Variants in CHST11 observed in about 807,000 individuals in gnomAD.
CHST11 encodes carbohydrate sulfotransferase 11.
In CHST11, 9 loss-of-function variants were observed where a neutral mutation model predicts 30.4. That is an observed-to-expected ratio of 0.30 (90% CI 0.18 to 0.52). CHST11 has a LOEUF of 0.52. CHST11 is among the 20% of genes least tolerant of loss of function. CHST11 has a pLI of 0.97. For missense variants in CHST11, 348 were observed against 460.6 expected (o/e 0.76, Z 2.24); for synonymous variants, 152 against 187.8 (o/e 0.81, Z 1.56).
chr12:104,489,248 GC>G lies in CHST11; in HGVS notation c.118+31720del, dbSNP rs111819635. 7.8e-3 allele frequency among the ~76,000 whole-genome samples: 1,182 copies of G among 152,092 alleles called. 13 individuals carry two copies. The highest frequency in any genetic ancestry group is 0.026 in the African/African-American group (1,092 of 41,492). On this transcript the variant is annotated intron_variant, in intron 1 of 2. Transcript: ENST00000303694. Reference sequence around the variant, plus strand: ...GATGGGGTTTCACCATGTTGGCCATGCTGGTCTCGGACTCCTGACCTCAGGT... The same window carrying G: ...GATGGGGTTTCACCATGTTGGCCATGTGGTCTCGGACTCCTGACCTCAGGT...
chr12:104,573,630 A>G (rs1237878667), intron 1 of CHST11, among the ~76,000 whole-genome samples: 1 of 152,246 alleles, frequency 6.6e-6, no homozygotes, highest in Non-Finnish European at 1.5e-5. Flanking sequence ...TATTTAATAA[A>G]TGGTGCTGGG....
At chr12:104,663,985 G>A (rs1456748988) in intron 2 of CHST11, among the ~76,000 whole-genome samples, 5 of 152,164 alleles carry the variant, frequency 3.3e-5, no homozygotes, top group Non-Finnish European at 7.3e-5. Context: ...TAGGGTACCA[G>A]TCTCCATCCA....
rs1023897874 is a variant in CHST11 at position 104,475,798 on chromosome 12, T to C, written c.118+18269T>C. On this transcript the variant is annotated intron_variant, in intron 1 of 2. Transcript: ENST00000303694. ...CCTGCCATATATATGCATATATATA[T>C]GTATTTATATGTATATATCCATGGA... 7.0e-5 allele frequency among the ~76,000 whole-genome samples: 10 copies of C among 143,042 alleles called. No individual in the cohort carries two copies. The Admixed American group carries it at 7.2e-4, about 10-fold the overall frequency. 93.8% of individuals were successfully genotyped at this position (143,042 alleles called of 152,430 possible). A position where few individuals can be genotyped will look rare whatever the true frequency, so the allele number is the denominator to read the frequency against.
intron 1 of CHST11, among the ~76,000 whole-genome samples, chr12:104,513,605 GTC>G (rs1453843646): frequency 6.6e-6 from 1 of 152,148 alleles, no homozygotes; most frequent in Non-Finnish European, 1.5e-5. Flanking sequence ...GAGGATGCTG[GTC>G]TCCACCTTTT....
chr12:104,675,305 T>C (rs1317643434), intron 2 of CHST11, among the ~76,000 whole-genome samples: 1 of 152,268 alleles, frequency 6.6e-6, no homozygotes, highest in Non-Finnish European at 1.5e-5. Context: ...GCTTCTGTTA[T>C]GCTCACGTCT....
intron 2 of CHST11, among the ~76,000 whole-genome samples, chr12:104,642,032 G>T (rs1052076012): frequency 6.6e-6 from 1 of 152,138 alleles, no homozygotes; most frequent in Non-Finnish European, 1.5e-5. Flanking sequence ...GCTGCTGAAC[G>T]TCCTATGGTG....
intron 1 of CHST11, among the ~76,000 whole-genome samples, chr12:104,515,264 C>T (rs1171672068): frequency 1.3e-5 from 2 of 152,160 alleles, no homozygotes; most frequent in South Asian, 2.1e-4. Context: ...CACTTTTGTG[C>T]GATAATGGCA....
intron 2 of CHST11, among the ~76,000 whole-genome samples, chr12:104,618,125 T>C (rs2039125693): frequency 6.6e-6 from 1 of 152,010 alleles, no homozygotes. Flanking sequence ...GCCAGGCTGG[T>C]CTCGAACTCC....
At chr12:104,683,778 C>A (rs548483523) in intron 2 of CHST11, among the ~76,000 whole-genome samples, 38 of 152,278 alleles carry the variant, frequency 2.5e-4, no homozygotes, top group Non-Finnish European at 4.0e-4. Flanking sequence ...ATGCCAAGAA[C>A]ATCTACCAGG....
At chr12:104,473,936 C>T (rs2037534421) in intron 1 of CHST11, among the ~76,000 whole-genome samples, 1 of 152,100 alleles carries the variant, frequency 6.6e-6, no homozygotes. Flanking sequence ...ACCACCACCA[C>T]CACCGCGACC....
At chr12:104,582,048 T>C (rs7309946) in intron 1 of CHST11, among the ~76,000 whole-genome samples, 34,971 of 152,148 alleles carry the variant, frequency 0.23, 4,845 homozygotes, top group East Asian at 0.41. Flanking sequence ...TCTATCCTTA[T>C]TTCATCCAGT....
intron 2 of CHST11, among the ~76,000 whole-genome samples, chr12:104,745,534 G>C (rs1276225928): frequency 1.3e-5 from 2 of 151,992 alleles, no homozygotes; most frequent in Non-Finnish European, 2.9e-5. Flanking sequence ...TAGGCAGTAG[G>C]GCCATTTTAA....
chr12:104,481,928 C>T (rs896985198), intron 1 of CHST11, among the ~76,000 whole-genome samples: 4 of 151,026 alleles, frequency 2.6e-5, no homozygotes, highest in Non-Finnish European at 4.4e-5. Context: ...GCCTCCACCT[C>T]CCATGTTCAA....
At chr12:104,696,482 C>CAAAAAGAAAA (rs2039946497) in intron 2 of CHST11, among the ~76,000 whole-genome samples, 1 of 69,140 alleles carries the variant, frequency 1.4e-5, no homozygotes, top group Non-Finnish European at 2.5e-5. Context: ...GCTAAAAATA[C>CAAAAAGAAAA]AAAAAAAAAA....
chr12:104,538,023 G>T (rs1379367712), intron 1 of CHST11, among the ~76,000 whole-genome samples: 1 of 152,140 alleles, frequency 6.6e-6, no homozygotes, highest in Non-Finnish European at 1.5e-5. Context: ...TGGTACATTT[G>T]TCATGACTAA....
At chr12:104,634,188 G>C (rs1353962603) in intron 2 of CHST11, among the ~76,000 whole-genome samples, 2 of 152,148 alleles carry the variant, frequency 1.3e-5, no homozygotes, top group Non-Finnish European at 2.9e-5. Flanking sequence ...CACTAGACTG[G>C]AAGCTCCATG....
At chr12:104,740,264 T>G (rs2040336085) in intron 2 of CHST11, among the ~76,000 whole-genome samples, 1 of 152,228 alleles carries the variant, frequency 6.6e-6, no homozygotes, top group Admixed American at 6.5e-5. Context: ...AGTTTTATAA[T>G]TTCCATTGAT....
chr12:104,521,682 C>A (rs976118005), intron 1 of CHST11, among the ~76,000 whole-genome samples: 2 of 152,154 alleles, frequency 1.3e-5, no homozygotes, highest in Non-Finnish European at 2.9e-5. Flanking sequence ...AGGTGTCCTG[C>A]GTAACGGTGT....
intron 2 of CHST11, among the ~76,000 whole-genome samples, chr12:104,690,061 T>G (rs2039883196): frequency 6.6e-6 from 1 of 152,248 alleles, no homozygotes; most frequent in South Asian, 2.1e-4. Flanking sequence ...TCAGGTGGGC[T>G]CACACTCTTG....
Sources: allele counts gnomAD v4.1 joint callset (sites outside exome capture counted in the v4.1 genomes callset), GRCh38; gene constraint gnomAD v4.1.1; transcripts MANE v1.5; gene names NCBI Gene and HGNC (gene_info 2026-07-23, HGNC 2026-07-21).